Variants in NRXN1 observed in about 807,000 individuals in gnomAD.
The protein encoded by NRXN1 is neurexin 1.
In NRXN1, 39 loss-of-function variants were observed where a neutral mutation model predicts 150.9. The ratio of observed to expected loss-of-function variants is 0.26; its 90% CI spans 0.20 to 0.34. The LOEUF is 0.34. Ranked by LOEUF, NRXN1 falls within the 10% of genes least tolerant of loss-of-function variation. The pLI, the probability that NRXN1 is intolerant of heterozygous loss-of-function variation, is 1.00. For missense variants in NRXN1, 1,815 were observed against 1,949.9 expected (o/e 0.93, Z 1.30); for synonymous variants, 924 against 757.0 (o/e 1.22, Z -3.62).
intron 5 of NRXN1, among the ~76,000 whole-genome samples, chr2:50,854,876 G>A (rs779275329): frequency 6.6e-6 from 1 of 152,002 alleles, no homozygotes; most frequent in South Asian, 2.1e-4. Context: ...TGATGTACAG[G>A]AGTGGAAGAA....
At chr2:50,495,789 T>C in intron 15 of NRXN1, 116 bp downstream of exon 15, 2 of 773,302 alleles carry the variant, frequency 2.6e-6, no homozygotes, top group South Asian at 3.4e-5. Context: ...GTGCTGAAAA[T>C]GAAATTCTGG....
intron 2 of NRXN1, among the ~76,000 whole-genome samples, chr2:51,006,913 T>C: frequency 6.6e-6 from 1 of 151,978 alleles, no homozygotes; most frequent in Non-Finnish European, 1.5e-5. Flanking sequence ...GCTTGTGCCC[T>C]ATCATTACTG....
intron 5 of NRXN1, among the ~76,000 whole-genome samples, chr2:50,852,809 T>A (rs1380314034): frequency 6.6e-6 from 1 of 152,186 alleles, no homozygotes; most frequent in Non-Finnish European, 1.5e-5. Context: ...AGTATTCATT[T>A]AAGAAAATGT....
intron 17 of NRXN1, among the ~76,000 whole-genome samples, chr2:50,343,657 G>A (rs1032221103): frequency 9.2e-5 from 14 of 152,140 alleles, no homozygotes; most frequent in African/African-American, 2.2e-4. Flanking sequence ...CGCTCTCTGC[G>A]CCCTGCAAAC....
At chr2:50,666,877 TG>T (rs1301331548) in intron 5 of NRXN1, among the ~76,000 whole-genome samples, 12 of 33,144 alleles carry the variant, frequency 3.6e-4, no homozygotes, top group Non-Finnish European at 5.8e-4. Flanking sequence ...ATGATGATGA[TG>T]ATGTGTGTGT....
rs138175462 is a variant in NRXN1 at position 50,629,580 on chromosome 2, A to G, written c.833-5965T>C. ...GTGTGAAAAATTAATTTACCTGGAC[A>G]TTTATGCTACATTTATCAGCATAAA... On this transcript the variant is annotated intron_variant, in intron 5 of 22. Coordinates refer to ENST00000401669, the MANE Select transcript of NRXN1 (RefSeq NM_001330078.2). Among the ~76,000 whole-genome samples, 7 of 151,728 alleles carry G rather than the reference A, an allele frequency of 4.6e-5. No homozygotes were observed. In the East Asian group the frequency reaches 1.4e-3, roughly 29 times the overall value.
chr2:50,847,988 A>G (rs1292766262), intron 5 of NRXN1, among the ~76,000 whole-genome samples: 1 of 152,114 alleles, frequency 6.6e-6, no homozygotes, highest in East Asian at 1.9e-4. Context: ...CTGGCACACC[A>G]AGGCAAGAAA....
At chr2:50,846,869 G>A (rs1461135771) in intron 5 of NRXN1, among the ~76,000 whole-genome samples, 1 of 152,154 alleles carries the variant, frequency 6.6e-6, no homozygotes, top group Non-Finnish European at 1.5e-5. Flanking sequence ...TTTGTGGCAT[G>A]AAAAGTTTCA....
At chr2:50,183,841 C>T (rs1037553194) in intron 18 of NRXN1, among the ~76,000 whole-genome samples, 2 of 151,824 alleles carry the variant, frequency 1.3e-5, no homozygotes, top group African/African-American at 2.4e-5. Context: ...GATTAGTTTG[C>T]ATTTACAGAC....
chr2:50,366,985 C>A (rs2079625830), intron 17 of NRXN1, among the ~76,000 whole-genome samples: 3 of 151,930 alleles, frequency 2.0e-5, no homozygotes, highest in Admixed American at 2.0e-4. Context: ...TAACTATTTT[C>A]TTGAAAGGAT....
At chr2:50,880,924 T>C (rs1366231253) in intron 5 of NRXN1, among the ~76,000 whole-genome samples, 2 of 151,862 alleles carry the variant, frequency 1.3e-5, no homozygotes, top group African/African-American at 2.4e-5. Flanking sequence ...TGGGGAACAA[T>C]TATGACTAGA....
chr2:50,164,549 A>T (rs986082300), intron 18 of NRXN1, among the ~76,000 whole-genome samples: 1 of 152,200 alleles, frequency 6.6e-6, no homozygotes, highest in Non-Finnish European at 1.5e-5. Flanking sequence ...CTGAAGTGTC[A>T]CATTGTCAAA....
rs138993442 is a variant in NRXN1 at position 50,601,578 on chromosome 2, C to T, written c.1320+18444G>A. On this transcript the variant is annotated intron_variant, in intron 8 of 22. Transcript: ENST00000401669. Reference sequence around the variant, plus strand: ...ATCCAAAATGTTCACCCTTGGCAAGCGATGGATGGGAAGAGTGGTGACAAG... The same window carrying T: ...ATCCAAAATGTTCACCCTTGGCAAGTGATGGATGGGAAGAGTGGTGACAAG... Among the ~76,000 whole-genome samples, 334 of 152,232 alleles carry T rather than the reference C, an allele frequency of 2.2e-3. 6 individuals carry two copies. The highest frequency in any genetic ancestry group is 7.7e-3 in the African/African-American group (318 of 41,546).
chr2:50,421,288 T>TATGC (rs113158138), intron 17 of NRXN1, among the ~76,000 whole-genome samples: 5,959 of 152,168 alleles, frequency 0.039, 380 homozygotes, highest in African/African-American at 0.13. Context: ...AAAACTGTTG[T>TATGC]ATGCATCGGT....
intron 17 of NRXN1, among the ~76,000 whole-genome samples, chr2:50,286,583 C>T (rs963627054): frequency 3.9e-5 from 6 of 151,990 alleles, no homozygotes; most frequent in Non-Finnish European, 8.8e-5. Context: ...AAGCAGTTAA[C>T]AATAACATCT....
chr2:50,110,345 A>T (rs1448415978), intron 18 of NRXN1, among the ~76,000 whole-genome samples: 1 of 151,936 alleles, frequency 6.6e-6, no homozygotes, highest in African/African-American at 2.4e-5. Context: ...AAAAAAAAAT[A>T]GCCGGGTGTC....
chr2:50,090,339 A>G (rs1186646110), intron 19 of NRXN1, among the ~76,000 whole-genome samples: 1 of 152,158 alleles, frequency 6.6e-6, no homozygotes, highest in Non-Finnish European at 1.5e-5. Context: ...AAGAATTTAA[A>G]TATAAATTTT....
chr2:50,155,573 G>A (rs1053754929), intron 18 of NRXN1, among the ~76,000 whole-genome samples: 5 of 151,428 alleles, frequency 3.3e-5, no homozygotes, highest in African/African-American at 1.2e-4. Flanking sequence ...TCCTTCTCTA[G>A]AATAAAAAAC....
At chr2:50,396,677 T>A (rs1053650768) in intron 17 of NRXN1, among the ~76,000 whole-genome samples, 2 of 152,108 alleles carry the variant, frequency 1.3e-5, no homozygotes, top group African/African-American at 2.4e-5. Flanking sequence ...CAAGACTGTT[T>A]AAGTATAACC....
Sources: gnomAD v4.1 joint callset for allele counts (sites outside exome capture counted in the v4.1 genomes callset) on GRCh38, gnomAD v4.1.1 for gene constraint, MANE v1.5 for transcripts, NCBI Gene and HGNC (gene_info 2026-07-23, HGNC 2026-07-21) for gene names.